The following SYN3 variants were observed in gnomAD, a reference collection of about 807,000 sequenced individuals.
SYN3 encodes synapsin-3.
Under a neutral mutation model 65.8 loss-of-function variants are expected in SYN3, and 35 were observed. The ratio of observed to expected loss-of-function variants is 0.53; its 90% confidence interval spans 0.41 to 0.70. The LOEUF (loss-of-function observed/expected upper bound fraction) is 0.70, where lower values mean the gene tolerates loss of function less well. Among genes scored for constraint, SYN3 ranks in the 30% least tolerant of loss-of-function variants. SYN3 has a pLI of 0.00. For synonymous variants in SYN3, 270 were observed against 292.9 expected, an observed-to-expected ratio of 0.92 and a Z score of 0.80; for missense variants, 680 against 749.0, an observed-to-expected ratio of 0.91 and a Z score of 1.08.
At chr22:32,700,445 A>T (rs2060796156) in intron 6 of SYN3, among the ~76,000 whole-genome samples, 1 of 152,202 alleles carries the variant, frequency 6.6e-6, no homozygotes, top group African/African-American at 2.4e-5. Context: ...AATGACTAAC[A>T]TGCTAATTTG....
At chr22:32,723,050 G>A (rs1022374172) in intron 6 of SYN3, among the ~76,000 whole-genome samples, 1 of 152,148 alleles carries the variant, frequency 6.6e-6, no homozygotes, top group African/African-American at 2.4e-5. Flanking sequence ...CCAAAGAATT[G>A]AGTGACTTTC....
Position 32,518,208 on chromosome 22 carries a change from G to A in SYN3, c.1445C>T (p.Pro482Leu). 1 of 1,614,010 alleles carries A rather than the reference G, an allele frequency of 6.2e-7. No homozygotes were observed. Among genetic ancestry groups the A allele is most frequent in the Non-Finnish European group, 8.5e-7 (1 of 1,180,000 alleles). The change falls in exon 13 of 14, where the codon CCA becomes CTA. Residue 482 changes from proline to leucine, a missense_variant. Physicochemically the swap from Pro to Leu is moderately conservative, Grantham distance 98. Coordinates refer to ENST00000358763, the MANE Select transcript of SYN3 (RefSeq NM_003490.4). Reference protein sequence around the residue: ...QSGSPQQQRSPGSPQLSRASS... With the variant: ...QSGSPQQQRSLGSPQLSRASS... ...TGCCCGGGATAGCTGCGGAGAGCCT[G>A]GTGACCTTTGCTGCTGTGGAGATCC...
chr22:32,917,654 C>G (rs1210365331), intron 4 of SYN3, among the ~76,000 whole-genome samples: 1 of 152,180 alleles, frequency 6.6e-6, no homozygotes, highest in South Asian at 2.1e-4. Context: ...GTCAGCGGGG[C>G]GCAGCCAGCG....
At chr22:32,821,388 C>T (rs758218579) in intron 6 of SYN3, among the ~76,000 whole-genome samples, 4 of 152,162 alleles carry the variant, frequency 2.6e-5, no homozygotes, top group African/African-American at 4.8e-5. Flanking sequence ...TTCTGCTAAC[C>T]GCTAAGGTGT....
intron 7 of SYN3, among the ~76,000 whole-genome samples, chr22:32,596,425 G>T (rs2059200844): frequency 1.3e-5 from 2 of 152,198 alleles, no homozygotes; most frequent in Non-Finnish European, 2.9e-5. Context: ...CGCAATCATA[G>T]AGAATGATTA....
chr22:32,644,196 C>T (rs1489968364), intron 6 of SYN3, among the ~76,000 whole-genome samples: 1 of 151,388 alleles, frequency 6.6e-6, no homozygotes, highest in Admixed American at 6.6e-5. Flanking sequence ...TGAATACCCA[C>T]TGAGTGCCAG....
intron 6 of SYN3, among the ~76,000 whole-genome samples, chr22:32,780,955 T>C (rs1335944699): frequency 2.5e-5 from 2 of 81,268 alleles, no homozygotes; most frequent in Admixed American, 2.6e-4. Flanking sequence ...CCTTCCTTCC[T>C]TCCTTCCTTC....
chr22:32,515,974 A>G (rs796920837), intron 13 of SYN3, among the ~76,000 whole-genome samples: 4 of 152,008 alleles, frequency 2.6e-5, no homozygotes, highest in African/African-American at 9.6e-5. Flanking sequence ...AATTTTTTGT[A>G]TTTTTAGGAG....
At chr22:32,648,569 G>GCA (rs2060017034) in intron 6 of SYN3, among the ~76,000 whole-genome samples, 2 of 152,208 alleles carry the variant, frequency 1.3e-5, no homozygotes, top group Admixed American at 1.3e-4. Flanking sequence ...AATGGAAAGA[G>GCA]CACAGCATTG....
chr22:32,626,992 G>A (rs2059675455), intron 6 of SYN3, among the ~76,000 whole-genome samples: 1 of 152,116 alleles, frequency 6.6e-6, no homozygotes, highest in South Asian at 2.1e-4. Flanking sequence ...AGCTTTGGAG[G>A]AAGCCCCCAG....
At chr22:32,829,476 T>A (rs568686136) in intron 6 of SYN3, among the ~76,000 whole-genome samples, 1 of 152,168 alleles carries the variant, frequency 6.6e-6, no homozygotes, top group Non-Finnish European at 1.5e-5. Flanking sequence ...GTAGGCTCAC[T>A]TCTTGGCCTG....
chr22:32,642,729 T>G (rs1420657582), intron 6 of SYN3, among the ~76,000 whole-genome samples: 1 of 151,986 alleles, frequency 6.6e-6, no homozygotes, highest in African/African-American at 2.4e-5. Flanking sequence ...TACCCGGCCT[T>G]ATTTTTATTT....
chr22:32,865,086 C>CATCT, intron 5 of SYN3, 82 bp from the exon 6 acceptor site: 1 of 1,133,690 alleles, frequency 8.8e-7, no homozygotes, highest in Non-Finnish European at 1.3e-6. Context: ...AGGCCTCAAG[C>CATCT]ATCTGACTGT....
At chr22:32,942,410 A>G (rs1337727238) in intron 3 of SYN3, among the ~76,000 whole-genome samples, 1 of 152,256 alleles carries the variant, frequency 6.6e-6, no homozygotes, top group Non-Finnish European at 1.5e-5. Flanking sequence ...GAAAACTAAC[A>G]AACAGAAAGG....
intron 4 of SYN3, among the ~76,000 whole-genome samples, chr22:32,912,650 G>A (rs904748156): frequency 5.3e-5 from 8 of 152,054 alleles, no homozygotes; most frequent in Non-Finnish European, 8.8e-5. Flanking sequence ...TAGCTCAGGA[G>A]ATTGAGGCTG....
At chr22:32,549,888 C>CA (rs10666789) in intron 7 of SYN3, among the ~76,000 whole-genome samples, 26,666 of 141,932 alleles carry the variant, frequency 0.19, 2,988 homozygotes, top group African/African-American at 0.32. Context: ...GACTCTGTCT[C>CA]AAAAAAAAAA....
chr22:32,622,554 G>A (rs1018379378), intron 6 of SYN3, among the ~76,000 whole-genome samples: 17 of 151,856 alleles, frequency 1.1e-4, no homozygotes, highest in South Asian at 2.1e-4. Flanking sequence ...GAGGCCCAGC[G>A]CTGGCCTCAG....
At chr22:32,847,283 C>T (rs548106165) in intron 6 of SYN3, among the ~76,000 whole-genome samples, 23 of 152,142 alleles carry the variant, frequency 1.5e-4, no homozygotes, top group African/African-American at 3.9e-4. Context: ...GGCTTGTCGC[C>T]GAGAATACTA....
chr22:32,660,471 A>G (rs1316487192), intron 6 of SYN3, among the ~76,000 whole-genome samples: 1 of 152,214 alleles, frequency 6.6e-6, no homozygotes, highest in African/African-American at 2.4e-5. Flanking sequence ...ATTGAGAAAC[A>G]GCACCCTGTG....
Sources: allele counts gnomAD v4.1 joint callset (sites outside exome capture counted in the v4.1 genomes callset), GRCh38; gene constraint gnomAD v4.1.1; transcripts MANE v1.5; gene names NCBI Gene and HGNC (gene_info 2026-07-23, HGNC 2026-07-21).